The following CBFA2T3 variants were observed in gnomAD, a reference collection of about 807,000 sequenced individuals.
The protein encoded by CBFA2T3 is transcriptional corepressor CBFA2T3.
Under a neutral mutation model 58.6 loss-of-function variants are expected in CBFA2T3, and 31 were observed. That is an observed-to-expected ratio of 0.53 (90% confidence interval 0.40 to 0.71). The LOEUF (loss-of-function observed/expected upper bound fraction) is 0.71. Ranked by LOEUF, CBFA2T3 falls within the 30% of genes least tolerant of loss-of-function variation. CBFA2T3 has a pLI of 0.00. For synonymous variants in CBFA2T3, 531 were observed against 421.9 expected (o/e 1.26, Z -3.17); for missense variants, 1,076 against 963.1 (o/e 1.12, Z -1.55).
chr16:88,976,591 T>G, intron 1 of CBFA2T3, 66 bp downstream of exon 1: 1 of 1,263,072 alleles, frequency 7.9e-7, no homozygotes, highest in Non-Finnish European at 1.1e-6. Flanking sequence ...CTCTAAGGAG[T>G]CACAGCCCCG....
At position 88,976,089 on chromosome 16, in the gene CBFA2T3, C is replaced by G. The variant is rs145322635; in HGVS notation, c.151+568G>C. Among the ~76,000 whole-genome samples, 432 of 152,336 alleles carry G rather than the reference C, an allele frequency of 2.8e-3. 4 individuals are homozygous for G. Among genetic ancestry groups the G allele is most frequent in the African/African-American group, 0.01 (422 of 41,578 alleles). On this transcript the variant is annotated intron_variant, in intron 1 of 11. Coordinates refer to ENST00000268679, the MANE Select transcript of CBFA2T3 (RefSeq NM_005187.6). ...AGCTGGCGTCCTGCTGGACTGGACC[C>G]CTCCCCAGAGCCCGAAGCCCCCAGA...
intron 1 of CBFA2T3, chr16:88,941,674 G>C (rs1348694433): frequency 1.3e-5 from 2 of 148,684 alleles, no homozygotes; most frequent in African/African-American, 4.9e-5. Context: ...CGAGCGAAGA[G>C]GTTGAGGGGT....
chr16:88,898,648 T>C (rs1969984503), intron 2 of CBFA2T3, among the ~76,000 whole-genome samples: 2 of 152,168 alleles, frequency 1.3e-5, no homozygotes, highest in Admixed American at 6.5e-5. Context: ...AAGCCGCGTG[T>C]CCTAAAAGCG....
rs1377528222 is a variant in CBFA2T3 at position 88,892,564 on chromosome 16, C to T, written c.380-79G>A. The T allele has an allele frequency of 8.7e-6, 13 of 1,497,106 alleles. No homozygotes were observed. The Admixed American group carries it at 2.2e-4, about 25-fold the overall frequency. 92.7% of individuals were successfully genotyped at this position (1,497,106 alleles called of 1,614,324 possible). A position where few individuals can be genotyped will look rare whatever the true frequency, so the allele number is the denominator to read the frequency against. On this transcript the variant is annotated intron_variant, in intron 3 of 11. Coordinates refer to ENST00000268679, the MANE Select transcript of CBFA2T3 (RefSeq NM_005187.6). The stretch of plus-strand genomic sequence containing the variant: ...CAGACGGCGGCGACAGTGAGGGAAG[C>T]AGCGACTAAGGTGACAATGTCAAAA...
chr16:88,943,786 G>C (rs1051554130), intron 1 of CBFA2T3, among the ~76,000 whole-genome samples: 1 of 152,200 alleles, frequency 6.6e-6, no homozygotes, highest in African/African-American at 2.4e-5. Flanking sequence ...CCCTGGATGC[G>C]GCCAAGTCAC....
intron 1 of CBFA2T3, among the ~76,000 whole-genome samples, chr16:88,902,761 C>G (rs546386025): frequency 6.6e-6 from 1 of 152,218 alleles, no homozygotes; most frequent in Admixed American, 6.5e-5. Context: ...GCTGAGACTT[C>G]GGGGGCCTCA....
intron 3 of CBFA2T3, among the ~76,000 whole-genome samples, chr16:88,893,762 G>A (rs1323948521): frequency 1.3e-5 from 2 of 152,212 alleles, no homozygotes; most frequent in African/African-American, 2.4e-5. Flanking sequence ...GAAAGTCCCA[G>A]GGCCGGGCCT....
At chr16:88,878,796 A>G (rs1968940909) in intron 11 of CBFA2T3, among the ~76,000 whole-genome samples, 1 of 152,178 alleles carries the variant, frequency 6.6e-6, no homozygotes, top group Non-Finnish European at 1.5e-5. Context: ...AAATACAAAA[A>G]TTAGCCAGGT....
intron 5 of CBFA2T3, among the ~76,000 whole-genome samples, chr16:88,891,061 G>A (rs538264955): frequency 1.3e-5 from 2 of 152,046 alleles, no homozygotes; most frequent in African/African-American, 4.8e-5. Context: ...TGCCACCCTG[G>A]TCCACGGTTG....
intron 1 of CBFA2T3, among the ~76,000 whole-genome samples, chr16:88,919,492 G>T: frequency 6.6e-6 from 1 of 152,298 alleles, no homozygotes; most frequent in Non-Finnish European, 1.5e-5. Context: ...TAACATCAGC[G>T]TGGCCTCAGG....
chr16:88,896,752 C>T (rs973976680), intron 3 of CBFA2T3, among the ~76,000 whole-genome samples: 19 of 152,316 alleles, frequency 1.2e-4, no homozygotes, highest in East Asian at 7.7e-4. Flanking sequence ...GCTTCTCAGA[C>T]GCGCCACAGT....
chr16:88,934,888 C>T (rs911311444), intron 1 of CBFA2T3, among the ~76,000 whole-genome samples: 4 of 152,216 alleles, frequency 2.6e-5, no homozygotes, highest in Admixed American at 6.5e-5. Flanking sequence ...TACAGGCGCC[C>T]GCCACCACGC....
At chr16:88,929,033 G>C (rs545313931) in intron 1 of CBFA2T3, among the ~76,000 whole-genome samples, 1 of 152,212 alleles carries the variant, frequency 6.6e-6, no homozygotes, top group Non-Finnish European at 1.5e-5. Context: ...CGTTCCTGGA[G>C]AGCTGTGACT....
At chr16:88,879,211 G>A (rs1015413510) in intron 11 of CBFA2T3, 59 bp downstream of exon 11, 21 of 1,438,630 alleles carry the variant, frequency 1.5e-5, no homozygotes, top group Middle Eastern at 2.3e-4. Flanking sequence ...TGGGGGTGGC[G>A]TGGGACCGCA....
intron 1 of CBFA2T3, among the ~76,000 whole-genome samples, chr16:88,916,829 G>A (rs919543159): frequency 2.6e-5 from 4 of 152,180 alleles, no homozygotes; most frequent in Non-Finnish European, 4.4e-5. Flanking sequence ...CCAACAGAGA[G>A]GAGGTCAGGC....
At chr16:88,972,085 A>G (rs763723301) in intron 1 of CBFA2T3, among the ~76,000 whole-genome samples, 1 of 152,168 alleles carries the variant, frequency 6.6e-6, no homozygotes, top group Non-Finnish European at 1.5e-5. Context: ...TGCTGATTCA[A>G]GGTCTTTCTG....
intron 1 of CBFA2T3, among the ~76,000 whole-genome samples, chr16:88,925,549 C>G (rs1207656789): frequency 2.6e-5 from 4 of 152,188 alleles, no homozygotes; most frequent in Non-Finnish European, 5.9e-5. Flanking sequence ...CTGAGGGTGG[C>G]AGGCGGGACA....
rs1972882150 is a variant in CBFA2T3 at position 88,977,066 on chromosome 16, C to T, written c.-259G>A. On this transcript the variant is annotated 5_prime_UTR_variant, in exon 1 of 12. Transcript: ENST00000268679. ...GGGGCTGCAGGCTGGGGAAGGTCTC[C>T]CTGCAGCCTGCGGGTGAGGCAGCCA... 1 of 418,762 alleles carries T rather than the reference C, an allele frequency of 2.4e-6. No homozygotes were observed. The highest frequency in any genetic ancestry group is 3.5e-5 in the East Asian group (1 of 28,748). The allele number at this position is 418,762 out of a possible 1,614,324, so 25.9% of individuals were successfully genotyped here.
rs576042723 is a variant in CBFA2T3 at position 88,957,272 on chromosome 16, G to A, written c.151+19385C>T. On this transcript the variant is annotated intron_variant, in intron 1 of 11. Transcript: ENST00000268679. The stretch of plus-strand genomic sequence containing the variant: ...TGGACAGCCAGCTGATGGCCCCAGA[G>A]GTTCCTGGTCAGAAGTGCTGCCTTT... 3.3e-5 allele frequency among the ~76,000 whole-genome samples: 5 copies of A among 152,366 alleles called. 1 individual carries two copies. The South Asian group carries it at 8.3e-4, about 25-fold the overall frequency.
Sources: gnomAD v4.1 joint callset for allele counts (sites outside exome capture counted in the v4.1 genomes callset) on GRCh38, gnomAD v4.1.1 for gene constraint, MANE v1.5 for transcripts, NCBI Gene and HGNC (gene_info 2026-07-23, HGNC 2026-07-21) for gene names.